The following DACH1 variants were observed in gnomAD, a reference collection of about 807,000 sequenced individuals.
The protein encoded by DACH1 is dachshund family transcription factor 1.
DACH1 carries 12 observed loss-of-function variants against 54.2 expected under a neutral mutation model. The ratio of observed to expected loss-of-function variants is 0.22; its 90% CI spans 0.14 to 0.36. DACH1 has a LOEUF of 0.36. Ranked by LOEUF, DACH1 falls within the 10% of genes least tolerant of loss-of-function variation. DACH1 has a pLI of 1.00. For missense variants in DACH1, 805 were observed against 929.8 expected (o/e 0.87, Z 1.75); for synonymous variants, 386 against 366.2 (o/e 1.05, Z -0.62).
intron 6 of DACH1, among the ~76,000 whole-genome samples, chr13:71,521,682 C>T (rs1881610786): frequency 2.6e-5 from 4 of 152,022 alleles, no homozygotes; most frequent in African/African-American, 9.7e-5. Context: ...GTCTTTTCTT[C>T]ACCCAGAAAG....
In DACH1 at chr13:71,627,627, G is replaced by C. The variant is rs148982138; in HGVS notation, c.1126+2929C>G. On this transcript the variant is annotated intron_variant, in intron 3 of 10. Transcript: ENST00000613252. ...AGCACCGCTTCCTAACCACTTCATGGTAATCGGTTCTCCTGGAGGATTCAG... is the reference window on the plus strand; with the variant it reads ...AGCACCGCTTCCTAACCACTTCATGCTAATCGGTTCTCCTGGAGGATTCAG... 1.1e-3 allele frequency among the ~76,000 whole-genome samples: 163 copies of C among 152,152 alleles called. 1 individual carries two copies. Among genetic ancestry groups the C allele is most frequent in the East Asian group, 0.01 (53 of 5,164 alleles).
chr13:71,786,003 G>T (rs58192590), intron 1 of DACH1, among the ~76,000 whole-genome samples: 2,453 of 152,192 alleles, frequency 0.016, 75 homozygotes, highest in African/African-American at 0.054. Flanking sequence ...GTGGACAACA[G>T]CTTGGAACAA....
chr13:71,764,602 T>G (rs1362959872), intron 1 of DACH1, among the ~76,000 whole-genome samples: 3 of 152,224 alleles, frequency 2.0e-5, no homozygotes, highest in African/African-American at 7.2e-5. Flanking sequence ...TGTCTTGGGA[T>G]GTAGTTCACT....
At chr13:71,570,264 T>C (rs1455572130) in intron 4 of DACH1, among the ~76,000 whole-genome samples, 1 of 152,176 alleles carries the variant, frequency 6.6e-6, no homozygotes, top group Non-Finnish European at 1.5e-5. Flanking sequence ...TCTTTAAGCA[T>C]CTATAACTGC....
chr13:71,495,831 T>A (rs914972240), intron 6 of DACH1, among the ~76,000 whole-genome samples: 3 of 152,108 alleles, frequency 2.0e-5, no homozygotes, highest in Non-Finnish European at 2.9e-5. Context: ...AGGAAAGAAA[T>A]CGTTATATCA....
At chr13:71,632,534 G>A (rs1175209802) in intron 2 of DACH1, among the ~76,000 whole-genome samples, 1 of 151,576 alleles carries the variant, frequency 6.6e-6, no homozygotes, top group Admixed American at 6.6e-5. Flanking sequence ...TAGAGCCTGA[G>A]CACCGCTCTC....
rs547723653 is a variant in DACH1 at position 71,557,125 on chromosome 13, A to G, written c.1469T>C (p.Met490Thr). 1.9e-6 allele frequency: 3 copies of G among 1,612,052 alleles called. No individual in the cohort carries two copies. The highest frequency in any genetic ancestry group is 3.4e-5 in the Admixed American group (2 of 59,656). Residue 490 changes from methionine (M) to threonine (T), a missense_variant, in exon 6 of 11, where the codon ATG (methionine) becomes ACG (threonine). Met to Thr is a moderately conservative substitution (Grantham distance 81). Around this residue, in one of 3 missense-constraint regions of DACH1, gnomAD observed 472 missense variants for 545.3 expected, o/e 0.87. Transcript: ENST00000613252. ...VHQNGLSMNQ[M>T]LMGLSPNVLP... ...TACATTTGGTGATAAGCCCATCAGCATCTGGTTCATGGACAACCCATTCTG... is the reference window on the plus strand; with the variant it reads ...TACATTTGGTGATAAGCCCATCAGCGTCTGGTTCATGGACAACCCATTCTG...
intron 1 of DACH1, among the ~76,000 whole-genome samples, chr13:71,856,704 A>G (rs752474151): frequency 1.4e-4 from 22 of 151,906 alleles, no homozygotes; most frequent in Non-Finnish European, 2.4e-4. Context: ...TATGTTGCAA[A>G]AAATGTATGC....
chr13:71,486,033 A>G (rs1453076287), intron 7 of DACH1, among the ~76,000 whole-genome samples: 1 of 151,958 alleles, frequency 6.6e-6, no homozygotes, highest in Non-Finnish European at 1.5e-5. Flanking sequence ...ATATAATTAT[A>G]GTATTTTTCT....
At chr13:71,662,005 A>G (rs1879525146) in intron 2 of DACH1, among the ~76,000 whole-genome samples, 1 of 152,058 alleles carries the variant, frequency 6.6e-6, no homozygotes, top group African/African-American at 2.4e-5. Context: ...ATGTTAATGT[A>G]ATAACTTCCA....
At chr13:71,744,544 A>T (rs1012509912) in intron 1 of DACH1, among the ~76,000 whole-genome samples, 2 of 152,166 alleles carry the variant, frequency 1.3e-5, no homozygotes, top group Non-Finnish European at 2.9e-5. Context: ...CCACATAGGA[A>T]CCAGGAACAA....
chr13:71,440,689 C>T lies in DACH1; in HGVS notation c.2087G>A (p.Gly696Glu), dbSNP rs768078924. 5.0e-6 allele frequency: 8 copies of T among 1,602,488 alleles called. No individual in the cohort carries two copies. In the South Asian group the frequency reaches 9.0e-5, roughly 18 times the overall value. The change falls in exon 11 of 11, where the codon GGA (glycine) becomes GAA (glutamate). Residue 696 changes from glycine (G) to glutamate (E), a missense_variant. Transcript: ENST00000613252. ...RTDAERTIQD[G>E]RLYLKTTVMY ...GACAGTAGTTTTCAAATACAGTCTT[C>T]CATCTAGAAATGAACAGTGAAAAAT...
intron 1 of DACH1, among the ~76,000 whole-genome samples, chr13:71,760,403 C>G (rs1244466236): frequency 6.6e-6 from 1 of 152,220 alleles, no homozygotes; most frequent in African/African-American, 2.4e-5. Flanking sequence ...CAGAAACACA[C>G]TCACTTGCTC....
At chr13:71,858,408 A>G (rs1005128876) in intron 1 of DACH1, among the ~76,000 whole-genome samples, 3 of 151,726 alleles carry the variant, frequency 2.0e-5, no homozygotes, top group African/African-American at 7.2e-5. Context: ...AATGTTACCA[A>G]TCAACATCAA....
At chr13:71,715,698 C>A (rs2138789207) in intron 1 of DACH1, among the ~76,000 whole-genome samples, 1 of 151,356 alleles carries the variant, frequency 6.6e-6, no homozygotes, top group East Asian at 1.9e-4. Context: ...CGAGATATGT[C>A]TTTTATGTAA....
chr13:71,664,423 C>T (rs879474632), intron 2 of DACH1, among the ~76,000 whole-genome samples: 1 of 151,936 alleles, frequency 6.6e-6, no homozygotes, highest in Non-Finnish European at 1.5e-5. Flanking sequence ...ATTTGAGATG[C>T]TTACTAGCCA....
intron 1 of DACH1, among the ~76,000 whole-genome samples, chr13:71,823,476 A>C (rs940834484): frequency 1.3e-5 from 2 of 152,100 alleles, no homozygotes; most frequent in Non-Finnish European, 2.9e-5. Context: ...TCACTGATGC[A>C]CTGAGAAATA....
chr13:71,697,689 G>A (rs1250992215), intron 1 of DACH1, among the ~76,000 whole-genome samples: 1 of 151,912 alleles, frequency 6.6e-6, no homozygotes, highest in Non-Finnish European at 1.5e-5. Flanking sequence ...TTTAGTCCAG[G>A]GTTCTAGATT....
intron 2 of DACH1, among the ~76,000 whole-genome samples, chr13:71,668,684 A>C (rs1880021007): frequency 2.6e-5 from 4 of 152,048 alleles, no homozygotes; most frequent in Admixed American, 2.6e-4. Flanking sequence ...CAACACTTTG[A>C]GAGGCTGAGG....
Sources: allele counts gnomAD v4.1 joint callset (sites outside exome capture counted in the v4.1 genomes callset), GRCh38; gene constraint gnomAD v4.1.1; regional missense constraint gnomAD v4.1.1; transcripts MANE v1.5; gene names NCBI Gene and HGNC (gene_info 2026-07-23, HGNC 2026-07-21).